Variants in MAST4 observed in about 807,000 individuals in gnomAD.
MAST4 encodes microtubule-associated serine/threonine-protein kinase 4.
Under a neutral mutation model 162.7 loss-of-function variants are expected in MAST4, and 89 were observed. The ratio of observed to expected loss-of-function variants is 0.55; its 90% CI spans 0.46 to 0.65. MAST4 has a LOEUF of 0.65. Ranked by LOEUF, MAST4 falls within the 30% of genes least tolerant of loss-of-function variation. MAST4 has a pLI of 0.00. For synonymous variants in MAST4, 1,479 were observed against 1,361.1 expected, an observed-to-expected ratio of 1.09 and a Z score of -1.91; for missense variants, 3,153 against 3,374.0, an observed-to-expected ratio of 0.93 and a Z score of 1.62.
intron 4 of MAST4, among the ~76,000 whole-genome samples, 188 bp downstream of exon 4, chr5:66,900,170 A>G (rs928195154): frequency 1.3e-5 from 2 of 152,120 alleles, no homozygotes; most frequent in Non-Finnish European, 2.9e-5. Context: ...TTTGTTCCAT[A>G]TGGGCATTGC....
chr5:66,953,603 A>T (rs1288248356), intron 4 of MAST4, among the ~76,000 whole-genome samples: 1 of 152,168 alleles, frequency 6.6e-6, no homozygotes, highest in Non-Finnish European at 1.5e-5. Context: ...GTATATACAT[A>T]CACTAAAGTA....
intron 1 of MAST4, among the ~76,000 whole-genome samples, chr5:66,668,137 C>T (rs1442506895): frequency 6.6e-6 from 1 of 152,208 alleles, no homozygotes; most frequent in South Asian, 2.1e-4. Context: ...ATGATAACAA[C>T]TGGAAATGTA....
intron 3 of MAST4, among the ~76,000 whole-genome samples, chr5:66,883,654 C>G (rs1176082604): frequency 1.3e-5 from 2 of 152,024 alleles, no homozygotes; most frequent in Non-Finnish European, 2.9e-5. Flanking sequence ...GCCTCGAACT[C>G]CTGACCTCGT....
At chr5:67,086,577 T>G (rs1231710484) in intron 5 of MAST4, among the ~76,000 whole-genome samples, 2 of 152,182 alleles carry the variant, frequency 1.3e-5, no homozygotes, top group East Asian at 3.8e-4. Flanking sequence ...GTCAGAAACA[T>G]CAGCAGCGAT....
intron 3 of MAST4, among the ~76,000 whole-genome samples, chr5:66,837,888 ATATATATTTTTTTTTTTTTTT>A (rs1758116085): frequency 2.9e-5 from 1 of 34,948 alleles, no homozygotes; most frequent in South Asian, 1.2e-3. Flanking sequence ...ATATATATAT[ATATATATTTTTTTTTTTTTTT>A]TTTTTTTTAA....
chr5:67,152,782 G>C lies in MAST4; in HGVS notation c.3441G>C (p.Ser1147=), dbSNP rs377567041. The change falls in exon 25 of 29, where the codon TCG becomes TCC. Residue 1147 remains serine, a synonymous_variant. Transcript: ENST00000403625. ...ATCAGCCGATTGTGATCCACAGTTCGGGGAAGAACTACGGCTTTACCATCC... is the reference window on the plus strand; with the variant it reads ...ATCAGCCGATTGTGATCCACAGTTCCGGGAAGAACTACGGCTTTACCATCC... ...SPHQPIVIHS[S]GKNYGFTIRA... 3 of 1,613,922 alleles carry C rather than the reference G, an allele frequency of 1.9e-6. No homozygotes were observed. Among genetic ancestry groups the C allele is most frequent in the African/African-American group, 2.7e-5 (2 of 74,938 alleles).
intron 4 of MAST4, among the ~76,000 whole-genome samples, chr5:67,016,015 C>T (rs1424628037): frequency 6.6e-6 from 1 of 152,102 alleles, no homozygotes; most frequent in Non-Finnish European, 1.5e-5. Context: ...CTATGATTAT[C>T]ACCTGGGAAA....
At chr5:67,139,779 G>A (rs1008478907) in intron 19 of MAST4, among the ~76,000 whole-genome samples, 7 of 152,102 alleles carry the variant, frequency 4.6e-5, no homozygotes, top group African/African-American at 1.7e-4. Flanking sequence ...CAAAAGTTTA[G>A]TCCAGAGGTC....
chr5:66,844,367 T>C (rs2149794434), intron 3 of MAST4, among the ~76,000 whole-genome samples: 1 of 152,264 alleles, frequency 6.6e-6, no homozygotes, highest in East Asian at 1.9e-4. Flanking sequence ...AGTATAAGAA[T>C]GTTGATTTCT....
intron 26 of MAST4, among the ~76,000 whole-genome samples, chr5:67,158,982 C>G (rs542072871): frequency 6.6e-6 from 1 of 152,072 alleles, no homozygotes; most frequent in Non-Finnish European, 1.5e-5. Flanking sequence ...TGCAGTGAGC[C>G]GAGATCGTGC....
At chr5:67,020,629 C>T (rs1376706395) in intron 4 of MAST4, among the ~76,000 whole-genome samples, 3 of 152,244 alleles carry the variant, frequency 2.0e-5, no homozygotes, top group Admixed American at 1.3e-4. Flanking sequence ...ACTAAGAGGC[C>T]CTTCTCATGT....
chr5:66,700,071 A>ATTTTTG, intron 1 of MAST4, among the ~76,000 whole-genome samples: 1 of 152,294 alleles, frequency 6.6e-6, no homozygotes, highest in South Asian at 2.1e-4. Context: ...ACTGCAGCCC[A>ATTTTTG]GTGTCTTCTG....
At chr5:67,103,456 A>C (rs1765257657) in intron 9 of MAST4, among the ~76,000 whole-genome samples, 1 of 152,234 alleles carries the variant, frequency 6.6e-6, no homozygotes, top group African/African-American at 2.4e-5. Flanking sequence ...TCACTTGCTC[A>C]CCAGGGAAAC....
At chr5:66,604,809 A>G (rs1742773036) in intron 1 of MAST4, among the ~76,000 whole-genome samples, 1 of 152,222 alleles carries the variant, frequency 6.6e-6, no homozygotes, top group African/African-American at 2.4e-5. Flanking sequence ...AGATAGATGT[A>G]CTTGCTGCAA....
intron 4 of MAST4, among the ~76,000 whole-genome samples, chr5:67,032,056 C>CA (rs1755402061): frequency 6.6e-6 from 1 of 152,176 alleles, no homozygotes; most frequent in Non-Finnish European, 1.5e-5. Flanking sequence ...AAAACTCTTG[C>CA]TCCATGGCTG....
chr5:66,888,463 T>TA (rs2149935405), intron 3 of MAST4, among the ~76,000 whole-genome samples: 1 of 152,314 alleles, frequency 6.6e-6, no homozygotes, highest in Admixed American at 6.5e-5. Flanking sequence ...CTGTAGTAAA[T>TA]AAAAATGATT....
intron 3 of MAST4, among the ~76,000 whole-genome samples, chr5:66,810,476 GT>G (rs1756423527): frequency 3.9e-5 from 6 of 152,204 alleles, no homozygotes; most frequent in Admixed American, 3.9e-4. Context: ...ATCTTGAAGA[GT>G]GGCACACATC....
rs1768793939 is a variant in MAST4, at chr5:67,130,195, T to A, written c.1746-15T>A. On this transcript the variant is annotated splice_polypyrimidine_tract_variant and intron_variant, in intron 14 of 28. Transcript: ENST00000403625. ...CTCTCCTCCTGTCAACCCCAATACTTCTGCTCCTTTTCAGGGCAGTCTACT... is the reference window on the plus strand; with the variant it reads ...CTCTCCTCCTGTCAACCCCAATACTACTGCTCCTTTTCAGGGCAGTCTACT... 3.7e-6 allele frequency: 6 copies of A among 1,604,350 alleles called. No individual in the cohort carries two copies. The highest frequency in any genetic ancestry group is 5.1e-6 in the Non-Finnish European group (6 of 1,174,470).
In MAST4 at chr5:67,166,089, T is replaced by G; in HGVS notation, c.6910T>G (p.Leu2304Val). The change falls in exon 29 of 29, where the codon TTG (leucine) becomes GTG (valine). Residue 2304 changes from leucine to valine, a missense_variant. Physicochemically the swap from Leu to Val is conservative, Grantham distance 32. Transcript: ENST00000403625. The part of the protein sequence containing the change: ...PLEVLEKPVH[L>V]PRPGHPGPSE... ...GGAGGTGCTGGAGAAGCCTGTGCATTTGCCAAGGCCGGGACACCCAGGGCC... is the reference window on the plus strand; with the variant it reads ...GGAGGTGCTGGAGAAGCCTGTGCATGTGCCAAGGCCGGGACACCCAGGGCC... 1 of 1,613,022 alleles carries G rather than the reference T, an allele frequency of 6.2e-7. No individual in the cohort carries two copies. The highest frequency in any genetic ancestry group is 8.5e-7 in the Non-Finnish European group (1 of 1,179,496).
Sources: allele counts gnomAD v4.1 joint callset (sites outside exome capture counted in the v4.1 genomes callset), GRCh38; gene constraint gnomAD v4.1.1; transcripts MANE v1.5; gene names NCBI Gene and HGNC (gene_info 2026-07-23, HGNC 2026-07-21).